GANC: variants seen among roughly 807,000 people sequenced by gnomAD.
GANC encodes the protein glucosidase alpha, neutral C.
GANC carries 117 observed loss-of-function variants against 124.2 expected under a neutral mutation model. The ratio of observed to expected loss-of-function variants is 0.94; its 90% CI spans 0.81 to 1.10. The LOEUF (loss-of-function observed/expected upper bound fraction) is 1.10. Among genes scored for constraint, GANC ranks in the 50% least tolerant of loss-of-function variants. The pLI, the probability that GANC is intolerant of heterozygous loss-of-function variation, is 0.00. For missense variants in GANC, 1,140 were observed against 1,095.0 expected, an observed-to-expected ratio of 1.04 and a Z score of -0.58; for synonymous variants, 377 against 376.8, an observed-to-expected ratio of 1.00 and a Z score of -0.01.
Position 42,278,034 on chromosome 15 carries a change from C to T in GANC, c.93-448C>T, listed in dbSNP as rs576432914. On this transcript the variant is annotated intron_variant, in intron 2 of 23. Coordinates refer to ENST00000318010, the MANE Select transcript of GANC (RefSeq NM_198141.3). ...CCTCTCTGTTTAATAGGAAGAAAAG[C>T]GTATTATGTTAATTCTGAACAGGTA... 21 of 391,414 alleles carry T rather than the reference C, an allele frequency of 5.4e-5. No homozygotes were observed. In the East Asian group the frequency reaches 6.0e-4, roughly 11 times the overall value. The allele number at this position is 391,414 out of a possible 1,614,324, so 24.2% of individuals were successfully genotyped here. A position where few individuals can be genotyped will look rare whatever the true frequency, so the allele number is the denominator to read the frequency against.
intron 2 of GANC, 62 bp from the exon 3 acceptor site, chr15:42,278,419 TA>T: frequency 6.4e-6 from 7 of 1,088,150 alleles, no homozygotes; most frequent in Non-Finnish European, 8.2e-6. Flanking sequence ...CATGATAATA[TA>T]GTCTTTTGGA....
At chr15:42,312,492 A>G (rs1363446412) in intron 10 of GANC, among the ~76,000 whole-genome samples, 2 of 152,216 alleles carry the variant, frequency 1.3e-5, no homozygotes, top group Admixed American at 1.3e-4. Flanking sequence ...TTCGGCCACA[A>G]TTGTGAGGCT....
rs751369094 is a variant in GANC at position 42,310,849 on chromosome 15, A to G, written c.1057+3A>G. The G allele has an allele frequency of 6.2e-6, 10 of 1,606,402 alleles. No homozygotes were observed. The African/African-American group carries it at 1.2e-4, about 19-fold the overall frequency. On this transcript the variant is annotated splice_donor_region_variant and intron_variant, in intron 10 of 23. Coordinates refer to ENST00000318010, the MANE Select transcript of GANC (RefSeq NM_198141.3). ...CAAACAGTACTCACACCTTACAGGT[A>G]TTTGCACGAAGAAGTGCCAGTTTCT...
In GANC at chr15:42,351,373, A is replaced by C. The variant is rs778959335; in HGVS notation, c.2576A>C (p.Glu859Ala). ...RGHYPSKCVV[E>A]KILVLGFRKE... ...CATTATCCCAGCAAGTGTGTGGTGG[A>C]GAAGATCTTGGTCTTAGGCTTCAGG... Residue 859 changes from glutamate to alanine, a missense_variant, in exon 23 of 24, where the codon GAG becomes GCG. By Grantham distance (107) the Glu-to-Ala change is moderately radical. Coordinates refer to ENST00000318010, the MANE Select transcript of GANC (RefSeq NM_198141.3). 17 of 1,613,944 alleles carry C rather than the reference A, an allele frequency of 1.1e-5. No individual in the cohort carries two copies. The highest frequency in any genetic ancestry group is 1.4e-5 in the Non-Finnish European group (17 of 1,179,980).
At chr15:42,293,483 A>G (rs1369257697) in intron 5 of GANC, among the ~76,000 whole-genome samples, 3 of 152,206 alleles carry the variant, frequency 2.0e-5, no homozygotes, top group Non-Finnish European at 4.4e-5. Flanking sequence ...AGCATTCAAC[A>G]TTCATTATTC....
At chr15:42,304,062 G>C (rs1384677728) in intron 6 of GANC, among the ~76,000 whole-genome samples, 2 of 152,106 alleles carry the variant, frequency 1.3e-5, no homozygotes, top group African/African-American at 4.8e-5. Context: ...ATTCTTCTCA[G>C]CACCGCATCG....
chr15:42,306,561 C>T lies in GANC; in HGVS notation c.574C>T (p.Leu192=). 1 of 1,612,798 alleles carries T rather than the reference C, an allele frequency of 6.2e-7. No individual in the cohort carries two copies. The highest frequency in any genetic ancestry group is 8.5e-7 in the Non-Finnish European group (1 of 1,179,552). ...VDTSQENQED[L]GLWEEKFGKF... ...GTACCAACAGGAAAATCAAGAAGAT[C>T]TGGGCCTGTGGGAAGAGAAATTTGG... Residue 192 remains leucine, a synonymous_variant, in exon 7 of 24, where the codon CTG becomes TTG. Coordinates refer to ENST00000318010, the MANE Select transcript of GANC (RefSeq NM_198141.3).
At chr15:42,301,346 C>T (rs2051944195) in intron 6 of GANC, among the ~76,000 whole-genome samples, 3 of 152,330 alleles carry the variant, frequency 2.0e-5, no homozygotes, top group African/African-American at 2.4e-5. Flanking sequence ...CTACACTTCT[C>T]CCATGGTCTT....
In GANC at chr15:42,345,761, T is replaced by G; in HGVS notation, c.2233T>G (p.Trp745Gly). The G allele has an allele frequency of 6.2e-7, 1 of 1,607,092 alleles. No individual in the cohort carries two copies. The highest frequency in any genetic ancestry group is 2.2e-5 in the East Asian group (1 of 44,830). ...ACTGGACTCTGTTACTTTCTAGGTC[T>G]GGTATGACTATAAGACATTTGCTCA... ...DVFLPGSNEV[W>G]YDYKTFAHWE... Residue 745 changes from tryptophan to glycine, a missense_variant, in exon 20 of 24, where the codon TGG becomes GGG. Trp to Gly is a radical substitution (Grantham distance 184, BLOSUM62 -2). Coordinates refer to ENST00000318010, the MANE Select transcript of GANC (RefSeq NM_198141.3).
intron 13 of GANC, 92 bp from the exon 14 acceptor site, chr15:42,329,214 A>C: frequency 7.8e-7 from 1 of 1,281,474 alleles, no homozygotes; most frequent in Non-Finnish European, 1.1e-6. Flanking sequence ...CATAGATAAT[A>C]AACATAATTT....
rs1239323126 is a variant in GANC at position 42,352,338 on chromosome 15, A to G, written c.*199A>G. ...TTTTACATGTTAAGATGTACTAACAATATTCCTTGTATCAAACATCTCCTT... is the reference window on the plus strand; with the variant it reads ...TTTTACATGTTAAGATGTACTAACAGTATTCCTTGTATCAAACATCTCCTT... On this transcript the variant is annotated 3_prime_UTR_variant, in exon 24 of 24. Transcript: ENST00000318010. 2.9e-6 allele frequency: 4 copies of G among 1,386,054 alleles called. No homozygotes were observed. In the Admixed American group the frequency reaches 8.9e-5, roughly 31 times the overall value. 85.9% of individuals were successfully genotyped at this position (1,386,054 alleles called of 1,614,324 possible). A position where few individuals can be genotyped will look rare whatever the true frequency, so the allele number is the denominator to read the frequency against.
intron 6 of GANC, 116 bp downstream of exon 6, chr15:42,297,772 C>T (rs1361824150): frequency 8.1e-6 from 5 of 617,200 alleles, no homozygotes; most frequent in South Asian, 5.3e-5. Flanking sequence ...TGATCGACTG[C>T]ATATAAATAG....
In GANC at chr15:42,351,445, T is replaced by A; in HGVS notation, c.2635+13T>A. The A allele has an allele frequency of 6.4e-7, 1 of 1,567,948 alleles. No individual in the cohort carries two copies. Among genetic ancestry groups the A allele is most frequent in the Non-Finnish European group, 8.8e-7 (1 of 1,138,322 alleles). On this transcript the variant is annotated intron_variant, in intron 23 of 23. Transcript: ENST00000318010. The stretch of plus-strand genomic sequence containing the variant: ...ACCCACTCATCTGGTGAGAAAGCAG[T>A]CCATTCTTACCTCACCATTTGTTTT...
rs2052223665 is a variant in GANC, at chr15:42,329,388, A to ATGCC, written c.1584_1587dup (p.Ile530CysfsTer33). The ATGCC allele has an allele frequency of 3.7e-6, 6 of 1,613,766 alleles. No individual in the cohort carries two copies. Among genetic ancestry groups the ATGCC allele is most frequent in the Non-Finnish European group, 5.1e-6 (6 of 1,179,832 alleles). On this transcript the variant is annotated frameshift_variant, in exon 14 of 24. Transcript: ENST00000318010. LOFTEE classifies it high-confidence loss of function. ...GGGCCAGAGCAAACCATGCAGAAGA[A>ATGCC]TGCCATTCATCATGGCAATTGGGAG...
chr15:42,310,539 C>T, intron 9 of GANC, 76 bp downstream of exon 9: 2 of 1,474,506 alleles, frequency 1.4e-6, no homozygotes, highest in East Asian at 2.4e-5. Context: ...TAGCTCTTAT[C>T]TTTGTATTGG....
chr15:42,295,252 G>C (rs2051879478), intron 5 of GANC, among the ~76,000 whole-genome samples: 1 of 152,008 alleles, frequency 6.6e-6, no homozygotes, highest in Non-Finnish European at 1.5e-5. Flanking sequence ...GCGATTGCAG[G>C]CATGAGCGAC....
intron 19 of GANC, 93 bp downstream of exon 19, chr15:42,343,247 G>A (rs1351666336): frequency 1.9e-6 from 2 of 1,072,000 alleles, no homozygotes; most frequent in South Asian, 1.3e-5. Flanking sequence ...ATGTGTTTGT[G>A]AACACACCCC....
Position 42,352,844 on chromosome 15 carries a change from A to G in GANC, c.*705A>G. ...CATGAGTAAGCTATAATTAATAACA[A>G]TGAAATAAATACCCATGTACCCACC... On this transcript the variant is annotated 3_prime_UTR_variant, in exon 24 of 24. Coordinates refer to ENST00000318010, the MANE Select transcript of GANC (RefSeq NM_198141.3). 1.7e-6 allele frequency: 1 copy of G among 583,448 alleles called. No homozygotes were observed. Among genetic ancestry groups the G allele is most frequent in the African/African-American group, 2.0e-5 (1 of 49,334 alleles). The allele number at this position is 583,448 out of a possible 1,614,324, so 36.1% of individuals were successfully genotyped here.
In GANC at chr15:42,321,769, C is replaced by A; in HGVS notation, c.1058-16C>A. 1 of 1,608,094 alleles carries A rather than the reference C, an allele frequency of 6.2e-7. No individual in the cohort carries two copies. Among genetic ancestry groups the A allele is most frequent in the South Asian group, 1.1e-5 (1 of 90,908 alleles). On this transcript the variant is annotated splice_polypyrimidine_tract_variant and intron_variant, in intron 10 of 23. Transcript: ENST00000318010. ...TTGCCATGGCAGTTGACTCAGTTGT[C>A]ATCTCCCTCTTTTAGGCACACAAGC...
Sources: gnomAD v4.1 joint callset for allele counts (sites outside exome capture counted in the v4.1 genomes callset) on GRCh38, gnomAD v4.1.1 for gene constraint, MANE v1.5 for transcripts, NCBI Gene and HGNC (gene_info 2026-07-23, HGNC 2026-07-21) for gene names.